Variants in NUP93 observed in about 807,000 individuals in gnomAD.
The protein encoded by NUP93 is nucleoporin 93.
NUP93 carries 55 observed loss-of-function variants against 107.8 expected under a neutral mutation model. That is an observed-to-expected ratio of 0.51 (90% CI 0.41 to 0.64). The LOEUF (loss-of-function observed/expected upper bound fraction) is 0.64, where lower values mean the gene tolerates loss of function less well. Among genes scored for constraint, NUP93 ranks in the 30% least tolerant of loss-of-function variants. The pLI is 0.00. For synonymous variants in NUP93, 390 were observed against 397.5 expected, an observed-to-expected ratio of 0.98 and a Z score of 0.22; for missense variants, 937 against 1,044.7, an observed-to-expected ratio of 0.90 and a Z score of 1.42.
At chr16:56,803,075 C>T (rs1170113635) in intron 4 of NUP93, among the ~76,000 whole-genome samples, 1 of 151,512 alleles carries the variant, frequency 6.6e-6, no homozygotes, top group Non-Finnish European at 1.5e-5. Flanking sequence ...CTTTGAGTAG[C>T]TTGGTAGGCA....
intron 1 of NUP93, among the ~76,000 whole-genome samples, chr16:56,740,097 G>C (rs1336935096): frequency 2.4e-5 from 3 of 125,178 alleles, no homozygotes; most frequent in Admixed American, 1.6e-4. Flanking sequence ...CCTCCCTCCC[G>C]GACGGGGCGG....
intron 5 of NUP93, among the ~76,000 whole-genome samples, chr16:56,813,476 G>A (rs1963358009): frequency 6.6e-6 from 1 of 152,174 alleles, no homozygotes; most frequent in South Asian, 2.1e-4. Flanking sequence ...TCACCTGTTA[G>A]GGGTTTGAGT....
chr16:56,768,081 T>C (rs1409846718), intron 3 of NUP93, among the ~76,000 whole-genome samples: 1 of 152,208 alleles, frequency 6.6e-6, no homozygotes, highest in African/African-American at 2.4e-5. Context: ...GCTGTAAAAA[T>C]CTCTAAATCC....
Position 56,821,371 on chromosome 16 carries a change from AGT to A in NUP93, c.565-129_565-128del, listed in dbSNP as rs1440764234. On this transcript the variant is annotated intron_variant, in intron 6 of 21. Coordinates refer to ENST00000308159, the MANE Select transcript of NUP93 (RefSeq NM_014669.5). ...CCCCAACGCAACTGGGGAGCTGGCC[AGT>A]GTGGATGGCTCAGCCACTCCGAGGA... is the stretch of plus-strand genomic sequence containing the variant. 16 of 592,950 alleles carry A rather than the reference AGT, an allele frequency of 2.7e-5. No individual in the cohort carries two copies. In the Middle Eastern group the frequency reaches 8.3e-4, roughly 31 times the overall value. The allele number at this position is 592,950 out of a possible 1,614,324, so 36.7% of individuals were successfully genotyped here. A position where few individuals can be genotyped will look rare whatever the true frequency, so the allele number is the denominator to read the frequency against.
chr16:56,839,113 C>T, intron 19 of NUP93, 44 bp downstream of exon 19: 2 of 1,346,652 alleles, frequency 1.5e-6, no homozygotes, highest in Non-Finnish European at 2.1e-6. Flanking sequence ...TAATGTACAC[C>T]CTCGAAAATT....
chr16:56,732,921 T>G, intron 1 of NUP93, among the ~76,000 whole-genome samples: 1 of 152,130 alleles, frequency 6.6e-6, no homozygotes, highest in Non-Finnish European at 1.5e-5. Flanking sequence ...GAGGGAGACA[T>G]ATGTGTGATG....
At chr16:56,775,784 G>T (rs988071143) in intron 3 of NUP93, among the ~76,000 whole-genome samples, 5 of 152,128 alleles carry the variant, frequency 3.3e-5, no homozygotes, top group Non-Finnish European at 7.4e-5. Context: ...AGCGATGAAA[G>T]CCCAACCCAG....
At chr16:56,827,319 A>T (rs925258723) in intron 8 of NUP93, among the ~76,000 whole-genome samples, 2 of 152,188 alleles carry the variant, frequency 1.3e-5, no homozygotes, top group Non-Finnish European at 1.5e-5. Flanking sequence ...AAATAAATGG[A>T]GAGGGAATGG....
intron 7 of NUP93, among the ~76,000 whole-genome samples, chr16:56,823,474 C>T (rs182128231): frequency 6.6e-6 from 1 of 152,114 alleles, no homozygotes; most frequent in Non-Finnish European, 1.5e-5. Flanking sequence ...AGTAATTGAT[C>T]TGAAAACCAA....
rs1324536128 is a variant in NUP93 at position 56,805,630 on chromosome 16, G to A, written c.487G>A (p.Glu163Lys). 6.8e-6 allele frequency: 11 copies of A among 1,612,872 alleles called. No homozygotes were observed. The highest frequency in any genetic ancestry group is 7.6e-6 in the Non-Finnish European group (9 of 1,179,162). ...EDALDFTQES[E>K]PSYISDVGPP... is the part of the protein sequence containing the mutation. ...CGCCCTTGACTTTACTCAAGAAAGC[G>A]AGGTAGCTTGAATGCAAAAGATAAA... The change falls in exon 5 of 22, where the codon GAG (glutamate) becomes AAG (lysine). Residue 163 changes from glutamate (E) to lysine (K), a missense_variant and splice_region_variant. Coordinates refer to ENST00000308159, the MANE Select transcript of NUP93 (RefSeq NM_014669.5).
At chr16:56,839,882 T>C (rs1169115842) in intron 20 of NUP93, 1 of 412,796 alleles carries the variant, frequency 2.4e-6, no homozygotes, top group Non-Finnish European at 4.5e-6. Flanking sequence ...ATCTGTGAAG[T>C]CTGGTTTAAT....
At chr16:56,769,663 T>C (rs1204189892) in intron 3 of NUP93, among the ~76,000 whole-genome samples, 4 of 152,218 alleles carry the variant, frequency 2.6e-5, no homozygotes, top group African/African-American at 9.6e-5. Flanking sequence ...TTTGTGCTTG[T>C]GAAAATAGGT....
At chr16:56,747,094 G>C (rs1286880112) in intron 1 of NUP93, among the ~76,000 whole-genome samples, 1 of 151,816 alleles carries the variant, frequency 6.6e-6, no homozygotes, top group Non-Finnish European at 1.5e-5. Context: ...CGCCCCCCAG[G>C]TTCAAGTGAT....
chr16:56,739,512 C>A (rs1597099792), intron 1 of NUP93, among the ~76,000 whole-genome samples: 1 of 109,384 alleles, frequency 9.1e-6, no homozygotes, highest in African/African-American at 3.7e-5. Context: ...GGCGGCTGGC[C>A]GGGCGGGGGG....
chr16:56,769,060 A>T (rs1431186237), intron 3 of NUP93, among the ~76,000 whole-genome samples: 1 of 152,148 alleles, frequency 6.6e-6, no homozygotes, highest in Non-Finnish European at 1.5e-5. Context: ...GCTAAGGCTT[A>T]CAGAGGCTAG....
intron 1 of NUP93, among the ~76,000 whole-genome samples, chr16:56,747,352 G>A (rs1262225975): frequency 6.6e-6 from 1 of 152,184 alleles, no homozygotes; most frequent in Non-Finnish European, 1.5e-5. Context: ...AGTGGTAGGA[G>A]TTAAAAACAT....
chr16:56,830,797 G>A (rs1243792181), intron 10 of NUP93, 112 bp downstream of exon 10: 14 of 1,012,928 alleles, frequency 1.4e-5, no homozygotes, highest in Non-Finnish European at 1.7e-5. Flanking sequence ...TTTCTGCTTG[G>A]GGGAAAAAGG....
intron 10 of NUP93, 51 bp from the exon 11 acceptor site, chr16:56,831,791 G>A (rs775000633): frequency 1.9e-6 from 3 of 1,579,288 alleles, no homozygotes; most frequent in Admixed American, 3.6e-5. Context: ...AGATGCCCTT[G>A]AGGATTTTTA....
chr16:56,754,441 A>T (rs1213720295), intron 2 of NUP93, among the ~76,000 whole-genome samples: 3 of 152,238 alleles, frequency 2.0e-5, no homozygotes, highest in Non-Finnish European at 4.4e-5. Flanking sequence ...CCAAAGTCTT[A>T]TCTGGGACAA....
Sources: gnomAD v4.1 joint callset for allele counts (sites outside exome capture counted in the v4.1 genomes callset) on GRCh38, gnomAD v4.1.1 for gene constraint, MANE v1.5 for transcripts, NCBI Gene and HGNC (gene_info 2026-07-23, HGNC 2026-07-21) for gene names.